ITIH6: variants seen among roughly 807,000 people sequenced by gnomAD.
The protein encoded by ITIH6 is inter-alpha-trypsin inhibitor heavy chain H6.
Under a neutral mutation model 58.2 loss-of-function variants are expected in ITIH6, and 60 were observed. That is an observed-to-expected ratio of 1.03 (90% CI 0.84 to 1.28). The LOEUF (loss-of-function observed/expected upper bound fraction) is 1.28, where lower values mean the gene tolerates loss of function less well. Among genes scored for constraint, ITIH6 ranks in the 50% most tolerant of loss-of-function variants. The probability of loss-of-function intolerance (pLI) is 0.00; values close to 1 mark genes in which losing one functional copy is unlikely to be tolerated. For synonymous variants in ITIH6, 493 were observed against 417.4 expected (o/e 1.18, Z -2.21); for missense variants, 1,290 against 1,021.1 (o/e 1.26, Z -3.59).
rs751884382 is a variant in ITIH6 at position 54,757,235 on chromosome X, G to A, written c.2839C>T (p.Leu947Phe). ...PGRFWHQYDL[L>F]PGPQRTRQVL... ...TGCCTGGTCCTCTGGGGACCCGGGA[G>A]GAGGTCATACTGATGCCAGAACCTT... The change falls in exon 8 of 13, where the codon CTC (leucine) becomes TTC (phenylalanine). Residue 947 changes from leucine (L) to phenylalanine (F), a missense_variant. Leu to Phe is a conservative substitution (Grantham distance 22). Coordinates refer to ENST00000218436, the MANE Select transcript of ITIH6 (RefSeq NM_198510.3). 1.7e-6 allele frequency: 2 copies of A among 1,195,806 alleles called. No homozygotes were observed. The highest frequency in any genetic ancestry group is 1.7e-5 in the African/African-American group (1 of 57,492).
At chrX:54,778,182 A>G (rs996212545) in intron 5 of ITIH6, among the ~76,000 whole-genome samples, 1 of 109,698 alleles carries the variant, frequency 9.1e-6, no homozygotes, top group African/African-American at 3.4e-5. Flanking sequence ...CATACTGAAG[A>G]ATGCACCAGA....
chrX:54,775,335 G>A (rs897964837), intron 5 of ITIH6, among the ~76,000 whole-genome samples: 6 of 111,377 alleles, frequency 5.4e-5, no homozygotes, highest in African/African-American at 2.0e-4. Flanking sequence ...CTCAAGGGCA[G>A]GACCTTGCTC....
chrX:54,769,630 G>A (rs12008044), intron 6 of ITIH6, among the ~76,000 whole-genome samples: 139 of 101,290 alleles, frequency 1.4e-3, no homozygotes, highest in African/African-American at 4.2e-3. Context: ...CTGTTGGAAT[G>A]CCCTGCCGTG....
intron 5 of ITIH6, among the ~76,000 whole-genome samples, chrX:54,781,864 A>G (rs1475652114): frequency 8.9e-6 from 1 of 112,361 alleles, no homozygotes; most frequent in Non-Finnish European, 1.9e-5. Context: ...TGGATAAGAA[A>G]ATATGGTACA....
In ITIH6 at chrX:54,796,963, G is replaced by C. The variant is rs763803511; in HGVS notation, c.236C>G (p.Ala79Gly). The C allele has an allele frequency of 8.3e-7, 1 of 1,210,971 alleles. No individual in the cohort carries two copies. Among genetic ancestry groups the C allele is most frequent in the Non-Finnish European group, 1.1e-6 (1 of 894,886 alleles). ...TTACATAGTGAAATTGGAGATAAAGGCAAGATGAGGCAGATCCAGGTCAAA... is the reference window on the plus strand; with the variant it reads ...TTACATAGTGAAATTGGAGATAAAGCCAAGATGAGGCAGATCCAGGTCAAA... Reference protein sequence around the residue: ...AIFDLDLPHLAFISNFTMTIN... With the variant: ...AIFDLDLPHLGFISNFTMTIN... Residue 79 changes from alanine to glycine, a missense_variant, in exon 2 of 13, where the codon GCC (alanine) becomes GGC (glycine). Ala to Gly is a moderately conservative substitution (Grantham distance 60). Transcript: ENST00000218436.
At chrX:54,785,137 A>T (rs1271584795) in intron 5 of ITIH6, among the ~76,000 whole-genome samples, 7 of 107,442 alleles carry the variant, frequency 6.5e-5, no homozygotes, top group Non-Finnish European at 1.2e-4. Context: ...CATCAGTGGG[A>T]TCTAAAAAAT....
chrX:54,757,836 G>C lies in ITIH6; in HGVS notation c.2238C>G (p.His746Gln), dbSNP rs1299227769. 2.5e-6 allele frequency: 3 copies of C among 1,209,392 alleles called. No individual in the cohort carries two copies. Among genetic ancestry groups the C allele is most frequent in the Non-Finnish European group, 3.4e-6 (3 of 894,897 alleles). ...LLPLKPGSLS[H>Q]QNPDILPTNS... The stretch of plus-strand genomic sequence containing the variant: ...TCGTGGGTAATATATCAGGATTCTG[G>C]TGTGATAGAGAGCCGGGCTTCAGAG... Residue 746 changes from histidine (H) to glutamine (Q), a missense_variant, in exon 8 of 13, where the codon CAC (histidine) becomes CAG (glutamine). By Grantham distance (24) the His-to-Gln change is conservative. Transcript: ENST00000218436.
Position 54,757,985 on chromosome X carries a change from G to A in ITIH6, c.2089C>T (p.Leu697=). 54 of 1,211,923 alleles carry A rather than the reference G, an allele frequency of 4.5e-5. No individual in the cohort carries two copies. Among genetic ancestry groups the A allele is most frequent in the Non-Finnish European group, 6.0e-5 (54 of 895,503 alleles). ...LEPLGESPHT[L]SMPTYPKAKI... ...GCCTTTGGGTATGTGGGCATTGACA[G>A]GGTATGAGGGCTCTCTCCCAATGGC... The change falls in exon 8 of 13, where the codon CTG becomes TTG. Residue 697 remains leucine, a synonymous_variant. Coordinates refer to ENST00000218436, the MANE Select transcript of ITIH6 (RefSeq NM_198510.3).
rs1307186417 is a variant in ITIH6, at chrX:54,769,367, C to T, written c.903+4714G>A. Among the ~76,000 whole-genome samples, 3 of 93,751 alleles carry T rather than the reference C, an allele frequency of 3.2e-5. No homozygotes were observed. In the East Asian group the frequency reaches 1.0e-3, roughly 32 times the overall value. The allele number at this position is 93,751 out of a possible 115,157, so 81.4% of individuals were successfully genotyped here. ...GAGTAATTTGATCGTCTGAAGCCTT[C>T]TTCTCTCAGCTCGTCAAAATCATTC... On this transcript the variant is annotated intron_variant, in intron 6 of 12. Coordinates refer to ENST00000218436, the MANE Select transcript of ITIH6 (RefSeq NM_198510.3).
intron 5 of ITIH6, among the ~76,000 whole-genome samples, chrX:54,783,781 A>T (rs2050165236): frequency 1.8e-5 from 2 of 112,226 alleles, no homozygotes; most frequent in Admixed American, 1.9e-4. Flanking sequence ...CTACAGATTC[A>T]AAGCAATCCC....
intron 8 of ITIH6, among the ~76,000 whole-genome samples, chrX:54,756,202 G>T (rs1569543847): frequency 9.0e-6 from 1 of 111,621 alleles, no homozygotes; most frequent in Non-Finnish European, 1.9e-5. Context: ...CTCTCAGTGG[G>T]TTCTAATCCT....
rs766788419 is a variant in ITIH6 at position 54,758,404 on chromosome X, G to C, written c.1670C>G (p.Ala557Gly). ...GGCCCAGAGGCGGCGGATGAAGTGG[G>C]CCACATTGGGGGCTGGCTCCCCTGG... ...GCPGEPAPNV[A>G]HFIRRLWAYV... The change falls in exon 8 of 13, where the codon GCC becomes GGC. Residue 557 changes from alanine (A) to glycine (G), a missense_variant. By Grantham distance (60) the Ala-to-Gly change is moderately conservative. Coordinates refer to ENST00000218436, the MANE Select transcript of ITIH6 (RefSeq NM_198510.3). 2 of 1,210,738 alleles carry C rather than the reference G, an allele frequency of 1.7e-6. No homozygotes were observed. Among genetic ancestry groups the C allele is most frequent in the East Asian group, 3.0e-5 (1 of 33,779 alleles).
At chrX:54,761,542 G>T (rs1203469097) in intron 6 of ITIH6, among the ~76,000 whole-genome samples, 1 of 111,396 alleles carries the variant, frequency 9.0e-6, no homozygotes, top group East Asian at 2.8e-4. Flanking sequence ...TATTGCCTAG[G>T]TTTTCTTCTA....
chrX:54,762,276 G>T (rs1212565350), intron 6 of ITIH6, among the ~76,000 whole-genome samples: 2 of 111,468 alleles, frequency 1.8e-5, no homozygotes, highest in Admixed American at 1.9e-4. Flanking sequence ...TGTGATTTTT[G>T]CACATTGATT....
In ITIH6 at chrX:54,758,733, T is replaced by A; in HGVS notation, c.1341A>T (p.Gly447=). The change falls in exon 8 of 13, where the codon GGA becomes GGT. Residue 447 remains glycine (G), a synonymous_variant. Transcript: ENST00000218436. ...TGTCCTCATATATGCGCCGGGCTAT[T>A]CCCCGGTTTTCCAGGGACAGGCGGC... ...LLRRLSLENR[G]IARRIYEDTD... The A allele has an allele frequency of 8.3e-7, 1 of 1,211,001 alleles. No individual in the cohort carries two copies. The highest frequency in any genetic ancestry group is 1.1e-6 in the Non-Finnish European group (1 of 895,155).
intron 11 of ITIH6, 73 bp from the exon 12 acceptor site, chrX:54,751,453 GCA>G (rs1928360113): frequency 1.3e-5 from 14 of 1,114,776 alleles, no homozygotes; most frequent in Non-Finnish European, 1.7e-5. Context: ...CACAGCATGG[GCA>G]GATGAAGTAG....
intron 2 of ITIH6, among the ~76,000 whole-genome samples, chrX:54,795,159 C>T (rs767866776): frequency 9.0e-6 from 1 of 111,629 alleles, no homozygotes; most frequent in South Asian, 3.8e-4. Context: ...TTCACAATCA[C>T]CTCTCCTTGC....
At chrX:54,784,503 C>A (rs904133721) in intron 5 of ITIH6, among the ~76,000 whole-genome samples, 34 of 111,683 alleles carry the variant, frequency 3.0e-4, no homozygotes, top group Admixed American at 2.5e-3. Context: ...GGAAAAAAAT[C>A]TAAAAATCCA....
Position 54,759,780 on chromosome X carries a change from G to C in ITIH6, c.1051C>G (p.Leu351Val). The C allele has an allele frequency of 8.3e-7, 1 of 1,209,915 alleles. No homozygotes were observed. Among genetic ancestry groups the C allele is most frequent in the Non-Finnish European group, 1.1e-6 (1 of 894,527 alleles). The change falls in exon 7 of 13, where the codon CTG becomes GTG. Residue 351 changes from leucine to valine, a missense_variant. Coordinates refer to ENST00000218436, the MANE Select transcript of ITIH6 (RefSeq NM_198510.3). ...IQNVHSAKDY[L>V]HCMEADGWTD... ...CAGCCATCGGCTTCCATGCAATGCA[G>C]GTAGTCCTTGGCACTGTGGACATTC...
Sources: gnomAD v4.1 joint callset for allele counts (sites outside exome capture counted in the v4.1 genomes callset) on GRCh38, gnomAD v4.1.1 for gene constraint, MANE v1.5 for transcripts, NCBI Gene and HGNC (gene_info 2026-07-23, HGNC 2026-07-21) for gene names.